Variants in CNTNAP2 observed in about 807,000 individuals in gnomAD.
The protein encoded by CNTNAP2 is contactin-associated protein-like 2.
A neutral mutation model predicts 155.2 loss-of-function variants in CNTNAP2; 98 were observed. That is an observed-to-expected ratio of 0.63 (90% CI 0.54 to 0.75). CNTNAP2 has a LOEUF of 0.75. Ranked by LOEUF, CNTNAP2 falls within the 30% of genes least tolerant of loss-of-function variation. CNTNAP2 has a pLI of 0.00. For missense variants in CNTNAP2, 1,727 were observed against 1,688.1 expected (o/e 1.02, Z -0.40); for synonymous variants, 651 against 631.2 (o/e 1.03, Z -0.47).
chr7:146,390,706 C>T (rs1204313857), intron 1 of CNTNAP2, among the ~76,000 whole-genome samples: 1 of 148,476 alleles, frequency 6.7e-6, no homozygotes, highest in African/African-American at 2.5e-5. Flanking sequence ...AAGCGACTCA[C>T]TTAAACTCTT....
At chr7:147,863,816 T>C (rs1000914699) in intron 13 of CNTNAP2, among the ~76,000 whole-genome samples, 4 of 152,102 alleles carry the variant, frequency 2.6e-5, no homozygotes, top group Admixed American at 2.6e-4. Context: ...CTTCGTAGAT[T>C]CTGGATATTA....
chr7:146,951,724 G>A (rs146963484), intron 3 of CNTNAP2, among the ~76,000 whole-genome samples: 176 of 152,258 alleles, frequency 1.2e-3, no homozygotes, highest in African/African-American at 3.3e-3. Context: ...AAGTCAGGTA[G>A]TGTGATTTCT....
At chr7:147,219,331 C>T (rs207468761) in intron 8 of CNTNAP2, among the ~76,000 whole-genome samples, 1 of 152,102 alleles carries the variant, frequency 6.6e-6, no homozygotes, top group Admixed American at 6.6e-5. Context: ...GTTGGAGTCC[C>T]AAAACCTCAA....
intron 8 of CNTNAP2, among the ~76,000 whole-genome samples, chr7:147,167,901 GA>G (rs1473875528): frequency 2.0e-5 from 3 of 151,558 alleles, no homozygotes; most frequent in Non-Finnish European, 2.9e-5. Flanking sequence ...TTTTCATTTA[GA>G]ATCAGAATAA....
At position 147,037,421 on chromosome 7, in the gene CNTNAP2, A is replaced by C. The variant is rs191097350; in HGVS notation, c.403-6486A>C. Among the ~76,000 whole-genome samples, 1,205 of 147,578 alleles carry C rather than the reference A, an allele frequency of 8.2e-3. 13 individuals are homozygous for C. Among genetic ancestry groups the C allele is most frequent in the African/African-American group, 0.029 (1,152 of 40,222 alleles). On this transcript the variant is annotated intron_variant, in intron 3 of 23. Transcript: ENST00000361727. ...ACTTTGTCCCAAGTTTGTCTTTACT[A>C]GGTATTCGACATCCAGTTTTGTTTT...
At chr7:146,416,594 G>A (rs1306168680) in intron 1 of CNTNAP2, among the ~76,000 whole-genome samples, 2 of 152,034 alleles carry the variant, frequency 1.3e-5, no homozygotes, top group Non-Finnish European at 2.9e-5. Context: ...TTAAAAATAT[G>A]CAGCTTATTA....
intron 1 of CNTNAP2, among the ~76,000 whole-genome samples, chr7:146,731,817 G>C (rs1267811027): frequency 6.6e-6 from 1 of 151,960 alleles, no homozygotes; most frequent in Admixed American, 6.6e-5. Flanking sequence ...TCTGCATAAG[G>C]CACAGTGTCT....
chr7:147,620,142 G>A (rs894162034), intron 12 of CNTNAP2, among the ~76,000 whole-genome samples: 11 of 152,230 alleles, frequency 7.2e-5, no homozygotes, highest in Admixed American at 7.2e-4. Flanking sequence ...GCCCCCTAAA[G>A]CTGTTACAGC....
intron 21 of CNTNAP2, among the ~76,000 whole-genome samples, chr7:148,307,110 G>C (rs76164032): frequency 0.053 from 8,033 of 152,172 alleles, 511 homozygotes; most frequent in Admixed American, 0.19. Flanking sequence ...AGAGGACTGC[G>C]AGGTTCAAGA....
intron 1 of CNTNAP2, among the ~76,000 whole-genome samples, chr7:146,443,856 A>C (rs992224860): frequency 6.6e-6 from 1 of 152,152 alleles, no homozygotes; most frequent in Non-Finnish European, 1.5e-5. Flanking sequence ...ATAAAGCCCT[A>C]TTCTAGCTGG....
chr7:146,975,037 TATTA>T (rs1284722892), intron 3 of CNTNAP2, among the ~76,000 whole-genome samples: 5 of 152,198 alleles, frequency 3.3e-5, no homozygotes, highest in East Asian at 1.9e-4. Flanking sequence ...TATTAACTTC[TATTA>T]ATTTAATATT....
intron 13 of CNTNAP2, among the ~76,000 whole-genome samples, chr7:147,794,799 T>C (rs1797868182): frequency 6.6e-6 from 1 of 151,872 alleles, no homozygotes; most frequent in Non-Finnish European, 1.5e-5. Flanking sequence ...ATATTCTATT[T>C]CTTTCTGGGT....
At chr7:146,357,535 C>A (rs117643329) in intron 1 of CNTNAP2, among the ~76,000 whole-genome samples, 114 of 152,220 alleles carry the variant, frequency 7.5e-4, no homozygotes, top group African/African-American at 2.3e-3. Flanking sequence ...GGGAAGCTCT[C>A]GTTCACTGGC....
intron 15 of CNTNAP2, among the ~76,000 whole-genome samples, chr7:148,030,630 A>G (rs1439143618): frequency 6.6e-6 from 1 of 151,852 alleles, no homozygotes; most frequent in South Asian, 2.1e-4. Flanking sequence ...AGAGTTACAA[A>G]AAACATGATT....
chr7:146,442,754 A>G (rs1796338610), intron 1 of CNTNAP2, among the ~76,000 whole-genome samples: 1 of 152,140 alleles, frequency 6.6e-6, no homozygotes, highest in Non-Finnish European at 1.5e-5. Flanking sequence ...CCGTGGATTT[A>G]GCCTTCAGGA....
At chr7:147,624,292 G>A (rs1293297355) in intron 12 of CNTNAP2, among the ~76,000 whole-genome samples, 1 of 151,932 alleles carries the variant, frequency 6.6e-6, no homozygotes, top group East Asian at 1.9e-4. Flanking sequence ...CTTCTGCACA[G>A]CAAACAATCA....
intron 13 of CNTNAP2, among the ~76,000 whole-genome samples, chr7:147,884,545 G>T (rs1024618463): frequency 1.3e-5 from 2 of 151,526 alleles, no homozygotes; most frequent in African/African-American, 4.9e-5. Context: ...TTGAAGAATT[G>T]CATTTAATAC....
intron 1 of CNTNAP2, among the ~76,000 whole-genome samples, chr7:146,698,708 G>A (rs984603313): frequency 5.9e-5 from 9 of 151,948 alleles, no homozygotes; most frequent in African/African-American, 1.7e-4. Context: ...TCTTCCTTCT[G>A]TTCCTTTCTC....
At chr7:146,979,036 C>T (rs1222942339) in intron 3 of CNTNAP2, among the ~76,000 whole-genome samples, 1 of 152,130 alleles carries the variant, frequency 6.6e-6, no homozygotes, top group Non-Finnish European at 1.5e-5. Context: ...TTGGACAAAA[C>T]ATTAATGCCT....
Sources: allele counts gnomAD v4.1 joint callset (sites outside exome capture counted in the v4.1 genomes callset), GRCh38; gene constraint gnomAD v4.1.1; transcripts MANE v1.5; gene names NCBI Gene and HGNC (gene_info 2026-07-23, HGNC 2026-07-21).